The following TMCO5A variants were observed in gnomAD, a reference collection of about 807,000 sequenced individuals.
TMCO5A encodes the protein transmembrane and coiled-coil domain-containing protein 5A.
A neutral mutation model predicts 42.3 loss-of-function variants in TMCO5A; 34 were observed. The observed-to-expected ratio is 0.80, with a 90% CI of 0.61 to 1.07. TMCO5A has a LOEUF of 1.07. Ranked by LOEUF, TMCO5A falls within the 50% of genes least tolerant of loss-of-function variation. The pLI, the probability that TMCO5A is intolerant of heterozygous loss-of-function variation, is 0.00. For synonymous variants in TMCO5A, 131 were observed against 115.6 expected (o/e 1.13, Z -0.86); for missense variants, 357 against 327.9 (o/e 1.09, Z -0.69).
At chr15:37,952,775 A>G (rs973893006), downstream of TMCO5A, among the ~76,000 whole-genome samples, 2 of 152,192 alleles carry the variant, frequency 1.3e-5, no homozygotes, top group African/African-American at 4.8e-5. Flanking sequence ...CAATTTCAGG[A>G]CTTGGCTCTT....
chr15:37,971,283 G>A (rs1048326969), downstream of TMCO5A, among the ~76,000 whole-genome samples: 2 of 152,170 alleles, frequency 1.3e-5, no homozygotes, highest in South Asian at 2.1e-4. Flanking sequence ...ACCCTCTGAA[G>A]CAACAGACTG....
chr15:37,955,143 C>G (rs1330755923), downstream of TMCO5A, among the ~76,000 whole-genome samples: 1 of 150,692 alleles, frequency 6.6e-6, no homozygotes, highest in Non-Finnish European at 1.5e-5. Flanking sequence ...AATCAAAGGA[C>G]ATAGACTGGC....
Position 37,951,188 on chromosome 15 carries a change from T to C in TMCO5A, c.821T>C (p.Phe274Ser). ...RSTLWKLRCFFFPSLTLETED... is the reference protein window; with the variant it reads ...RSTLWKLRCFSFPSLTLETED... The stretch of plus-strand genomic sequence containing the variant: ...ACCTTGTGGAAGCTCAGATGCTTCT[T>C]CTTTCCATCTCTCACACTTGAGACA... The change falls in exon 12 of 12, where the codon TTC becomes TCC. Residue 274 changes from phenylalanine to serine, a missense_variant. Coordinates refer to ENST00000319669, the MANE Select transcript of TMCO5A (RefSeq NM_152453.4). 1.2e-6 allele frequency: 2 copies of C among 1,613,874 alleles called. No homozygotes were observed. The highest frequency in any genetic ancestry group is 8.5e-7 in the Non-Finnish European group (1 of 1,179,852).
At chr15:37,962,426 T>C (rs895991030) in intron 11 of TMCO5A, among the ~76,000 whole-genome samples, 2 of 152,218 alleles carry the variant, frequency 1.3e-5, no homozygotes, top group Admixed American at 1.3e-4. Flanking sequence ...GATATGTTGT[T>C]GGATTCAGTT....
chr15:37,984,033 T>A, the TMCO5A span, among the ~76,000 whole-genome samples: 1 of 152,022 alleles, frequency 6.6e-6, no homozygotes, highest in African/African-American at 2.4e-5. Flanking sequence ...TCTTCTGAGG[T>A]CATGAGAGGA....
At chr15:37,971,609 T>A (rs542410937), downstream of TMCO5A, among the ~76,000 whole-genome samples, 1 of 152,252 alleles carries the variant, frequency 6.6e-6, no homozygotes, top group Admixed American at 6.5e-5. Context: ...CAAACTTTTA[T>A]GCTGTTTCCC....
the TMCO5A span, among the ~76,000 whole-genome samples, chr15:37,979,669 T>C: frequency 3.9e-5 from 6 of 152,004 alleles, no homozygotes; most frequent in Non-Finnish European, 8.8e-5. Flanking sequence ...AAGGCAGCTG[T>C]GCTCGGTGGA....
chr15:38,035,129 A>G, the TMCO5A span, among the ~76,000 whole-genome samples: 1 of 152,202 alleles, frequency 6.6e-6, no homozygotes, highest in Non-Finnish European at 1.5e-5. Flanking sequence ...GGAAAGGAGG[A>G]TGGGTCATGG....
the TMCO5A span, among the ~76,000 whole-genome samples, chr15:38,011,354 C>T: frequency 6.4e-4 from 98 of 152,244 alleles, no homozygotes; most frequent in East Asian, 0.018. Flanking sequence ...CAACAGCTTA[C>T]AACACAGCAG....
chr15:37,965,718 A>C (rs2140822929), intron 11 of TMCO5A, among the ~76,000 whole-genome samples: 1 of 152,296 alleles, frequency 6.6e-6, no homozygotes, highest in African/African-American at 2.4e-5. Context: ...ATATCATCTC[A>C]CCCCAGTTAA....
chr15:38,010,268 C>G, the TMCO5A span, among the ~76,000 whole-genome samples: 1 of 150,070 alleles, frequency 6.7e-6, no homozygotes, highest in African/African-American at 2.5e-5. Context: ...CCCAGCTACT[C>G]GAGAGGCTGA....
rs1031865703 is a variant in TMCO5A at position 37,943,453 on chromosome 15, A to T, written c.627+55A>T. On this transcript the variant is annotated intron_variant, in intron 10 of 11. Transcript: ENST00000319669. ...CACAGTGTCATTGCCTTTCAAAGCCATCTCCAGCAAACTATAAGGCACCAA... is the reference window on the plus strand; with the variant it reads ...CACAGTGTCATTGCCTTTCAAAGCCTTCTCCAGCAAACTATAAGGCACCAA... 4.1e-5 allele frequency: 64 copies of T among 1,574,716 alleles called. No individual in the cohort carries two copies. In the East Asian group the frequency reaches 1.1e-3, roughly 27 times the overall value.
chr15:37,975,761 C>T, the TMCO5A span, among the ~76,000 whole-genome samples: 292 of 142,652 alleles, frequency 2.0e-3, 17 homozygotes, highest in African/African-American at 8.4e-3. Flanking sequence ...TGATCAGTTG[C>T]GGTTTGATTT....
At chr15:37,991,475 G>A in the TMCO5A span, among the ~76,000 whole-genome samples, 2 of 152,018 alleles carry the variant, frequency 1.3e-5, no homozygotes, top group East Asian at 1.9e-4. Context: ...CTTGATAAAT[G>A]TTTACATTTA....
the TMCO5A span, among the ~76,000 whole-genome samples, chr15:38,013,531 T>A: frequency 1.3e-5 from 2 of 152,154 alleles, no homozygotes; most frequent in Non-Finnish European, 2.9e-5. Context: ...AGTGATGTGA[T>A]AGGAGCTCTA....
At chr15:37,950,775 A>G (rs1039720312) in intron 11 of TMCO5A, among the ~76,000 whole-genome samples, 16 of 152,176 alleles carry the variant, frequency 1.1e-4, no homozygotes, top group African/African-American at 3.6e-4. Context: ...AAAACCAAAA[A>G]TAAACAAAAC....
At chr15:38,033,950 C>A in the TMCO5A span, among the ~76,000 whole-genome samples, 1 of 152,110 alleles carries the variant, frequency 6.6e-6, no homozygotes. Flanking sequence ...GTTGATATAA[C>A]AAAATACCCA....
At chr15:38,031,471 G>C in the TMCO5A span, among the ~76,000 whole-genome samples, 4 of 152,112 alleles carry the variant, frequency 2.6e-5, no homozygotes, top group Non-Finnish European at 1.5e-5. Flanking sequence ...CAAGTCTTCT[G>C]CCTCTCTCTC....
intron 10 of TMCO5A, 39 bp downstream of exon 10, chr15:37,943,437 A>G: frequency 1.2e-6 from 2 of 1,601,814 alleles, no homozygotes; most frequent in Non-Finnish European, 1.7e-6. Context: ...TCACAGTGTC[A>G]TTGCCTTTCA....
Sources: gnomAD v4.1 joint callset for allele counts (sites outside exome capture counted in the v4.1 genomes callset) on GRCh38, gnomAD v4.1.1 for gene constraint, MANE v1.5 for transcripts, NCBI Gene and HGNC (gene_info 2026-07-23, HGNC 2026-07-21) for gene names.